Variants in GPR146 observed in about 807,000 individuals in gnomAD.
GPR146 encodes the protein G-protein coupled receptor 146.
For synonymous variants in GPR146, 203 were observed against 104.3 expected (o/e 1.95, Z -5.77); for missense variants, 381 against 213.9 (o/e 1.78, Z -4.87).
rs536481449 is a variant in GPR146, at chr7:1,050,016, C to G, written c.-25+5358C>G. On this transcript the variant is annotated intron_variant, in intron 1 of 1. Transcript: ENST00000444847. ...CCCCCAAAGCTCAGGACACACGGGC[C>G]CTCCCAGGTCTCTCTGGCGGGCTAG... Among the ~76,000 whole-genome samples, 8 of 152,356 alleles carry G rather than the reference C, an allele frequency of 5.3e-5. No individual in the cohort carries two copies. The South Asian group carries it at 1.7e-3, about 32-fold the overall frequency.
chr7:1,056,858 G>C (rs1290147669), intron 1 of GPR146: 1 of 151,620 alleles, frequency 6.6e-6, no homozygotes, highest in African/African-American at 2.4e-5. Flanking sequence ...CCTGTGCTTT[G>C]GCGGGGTGGG....
At chr7:1,050,736 G>C (rs1051159463) in intron 1 of GPR146, among the ~76,000 whole-genome samples, 2 of 152,216 alleles carry the variant, frequency 1.3e-5, no homozygotes, top group Non-Finnish European at 2.9e-5. Context: ...CTATCCTCAC[G>C]AGTACGCATT....
At chr7:1,046,149 G>GTCT (rs1782557942) in intron 1 of GPR146, among the ~76,000 whole-genome samples, 1 of 152,216 alleles carries the variant, frequency 6.6e-6, no homozygotes, top group Admixed American at 6.5e-5. Context: ...GTAATTTACA[G>GTCT]TCGGAAGAGG....
chr7:1,044,908 A>C (rs951701367), intron 1 of GPR146, among the ~76,000 whole-genome samples: 9 of 152,246 alleles, frequency 5.9e-5, no homozygotes, highest in Non-Finnish European at 1.3e-4. Flanking sequence ...TGGCAGCTGA[A>C]TCTGCTGCTG....
intron 1 of GPR146, chr7:1,055,570 G>T (rs994092160): frequency 2.5e-6 from 1 of 398,510 alleles, no homozygotes; most frequent in Non-Finnish European, 5.1e-6. Context: ...GGGGGACTCT[G>T]TGCAGCACAG....
Position 1,058,729 on chromosome 7 carries a change from C to T in GPR146, c.*212C>T. ...GCATCTGGCTTGAGTCTCCCCGAGGCCTGTGCGTCTCCCAAACACGCAGCT... is the reference window on the plus strand; with the variant it reads ...GCATCTGGCTTGAGTCTCCCCGAGGTCTGTGCGTCTCCCAAACACGCAGCT... On this transcript the variant is annotated 3_prime_UTR_variant, in exon 2 of 2. Coordinates refer to ENST00000444847, the MANE Select transcript of GPR146 (RefSeq NM_001303473.2). 1 of 586,796 alleles carries T rather than the reference C, an allele frequency of 1.7e-6. No homozygotes were observed. The allele number at this position is 586,796 out of a possible 1,614,324, so 36.3% of individuals were successfully genotyped here. A position where few individuals can be genotyped will look rare whatever the true frequency, so the allele number is the denominator to read the frequency against.
rs1784149717 is a variant in GPR146, at chr7:1,058,717, G to A, written c.*200G>A. The A allele has an allele frequency of 1.7e-6, 1 of 598,200 alleles. No individual in the cohort carries two copies. Among genetic ancestry groups the A allele is most frequent in the Non-Finnish European group, 3.0e-6 (1 of 328,302 alleles). 37.1% of individuals were successfully genotyped at this position (598,200 alleles called of 1,614,324 possible). A position where few individuals can be genotyped will look rare whatever the true frequency, so the allele number is the denominator to read the frequency against. ...TCCCCGTGGCTGGCATCTGGCTTGAGTCTCCCCGAGGCCTGTGCGTCTCCC... is the reference window on the plus strand; with the variant it reads ...TCCCCGTGGCTGGCATCTGGCTTGAATCTCCCCGAGGCCTGTGCGTCTCCC... On this transcript the variant is annotated 3_prime_UTR_variant, in exon 2 of 2. Transcript: ENST00000444847.
At position 1,052,209 on chromosome 7, in the gene GPR146, G is replaced by C. The variant is rs933920392; in HGVS notation, c.-24-5283G>C. Among the ~76,000 whole-genome samples, 13 of 152,234 alleles carry C rather than the reference G, an allele frequency of 8.5e-5. No homozygotes were observed. Among genetic ancestry groups the C allele is most frequent in the Admixed American group, 8.5e-4 (13 of 15,288 alleles). On this transcript the variant is annotated intron_variant, in intron 1 of 1. Coordinates refer to ENST00000444847, the MANE Select transcript of GPR146 (RefSeq NM_001303473.2). This position sits in a 1 kb window ranked among gnomAD's most constrained non-coding sequence, Gnocchi z 4.2. ...GAGACCCTGAGGCCTGCTCCAGGCT[G>C]AGTGGGTGAGGAGCCTCTGAGCAGG... is the stretch of plus-strand genomic sequence containing the variant.
At chr7:1,047,534 G>A (rs1233195111) in intron 1 of GPR146, among the ~76,000 whole-genome samples, 2 of 152,262 alleles carry the variant, frequency 1.3e-5, no homozygotes, top group African/African-American at 4.8e-5. Context: ...GCTCCTAGGA[G>A]CTGGATGTTA....
At chr7:1,053,152 T>A (rs1012796681) in intron 1 of GPR146, among the ~76,000 whole-genome samples, 2 of 149,480 alleles carry the variant, frequency 1.3e-5, no homozygotes, top group Non-Finnish European at 3.0e-5. Context: ...GAAAAGGAAG[T>A]CTCTGGGCAC....
chr7:1,047,464 G>A (rs1782684957), intron 1 of GPR146, among the ~76,000 whole-genome samples: 1 of 152,266 alleles, frequency 6.6e-6, no homozygotes, highest in Non-Finnish European at 1.5e-5. Context: ...ATAGGAATCA[G>A]TGTGCGTAAG....
chr7:1,049,731 G>A (rs1263279982), intron 1 of GPR146, among the ~76,000 whole-genome samples: 2 of 152,226 alleles, frequency 1.3e-5, no homozygotes, highest in Admixed American at 6.5e-5. Flanking sequence ...TAGACCAGAG[G>A]TCAAGGCAGC....
At chr7:1,047,532 G>A (rs1231156891) in intron 1 of GPR146, among the ~76,000 whole-genome samples, 1 of 152,248 alleles carries the variant, frequency 6.6e-6, no homozygotes, top group Non-Finnish European at 1.5e-5. Context: ...TGGCTCCTAG[G>A]AGCTGGATGT....
chr7:1,051,405 C>T (rs771787544), intron 1 of GPR146, among the ~76,000 whole-genome samples: 5 of 152,242 alleles, frequency 3.3e-5, no homozygotes, highest in Non-Finnish European at 7.3e-5. Context: ...GTTTCCCGCA[C>T]AGCGTGGGGA....
At chr7:1,053,074 G>A (rs1382513449) in intron 1 of GPR146, among the ~76,000 whole-genome samples, 1 of 152,230 alleles carries the variant, frequency 6.6e-6, no homozygotes, top group Non-Finnish European at 1.5e-5. Context: ...TGCCCAGTGG[G>A]GGGAGAAGCC....
Position 1,053,392 on chromosome 7 carries a change from A to G in GPR146, c.-24-4100A>G, listed in dbSNP as rs192776409. Among the ~76,000 whole-genome samples the G allele has an allele frequency of 1.0e-3, 155 of 152,368 alleles. 5 individuals are homozygous for G. The highest frequency in any genetic ancestry group is 9.9e-3 in the Admixed American group (152 of 15,310). ...AATGTGCCCGGAACAGCTCAGTGAC[A>G]GGGAGCTGGGTTGGCTGTGAGGGTC... is the stretch of plus-strand genomic sequence containing the variant. On this transcript the variant is annotated intron_variant, in intron 1 of 1. Coordinates refer to ENST00000444847, the MANE Select transcript of GPR146 (RefSeq NM_001303473.2).
chr7:1,050,453 C>G (rs1416752754), intron 1 of GPR146, among the ~76,000 whole-genome samples: 1 of 152,224 alleles, frequency 6.6e-6, no homozygotes, highest in Non-Finnish European at 1.5e-5. Flanking sequence ...TCCCATCGGT[C>G]CCTGTGGCTT....
At chr7:1,053,325 C>T (rs1474950406) in intron 1 of GPR146, among the ~76,000 whole-genome samples, 1 of 152,226 alleles carries the variant, frequency 6.6e-6, no homozygotes, top group Non-Finnish European at 1.5e-5. Context: ...GAGGGGCGTC[C>T]ACAGTAGAGC....
chr7:1,059,212 C>T lies in GPR146; in HGVS notation c.*695C>T, dbSNP rs1784212435. 1 of 167,134 alleles carries T rather than the reference C, an allele frequency of 6.0e-6. No individual in the cohort carries two copies. The highest frequency in any genetic ancestry group is 6.5e-5 in the Admixed American group (1 of 15,296). The allele number at this position is 167,134 out of a possible 1,614,324, so 10.4% of individuals were successfully genotyped here. On this transcript the variant is annotated 3_prime_UTR_variant, in exon 2 of 2. Coordinates refer to ENST00000444847, the MANE Select transcript of GPR146 (RefSeq NM_001303473.2). ...AGTATGAACCTGTCCTAAATCAATT[C>T]CTCAAAGTGTGCACAAAACTAAAGA...
Sources: allele counts gnomAD v4.1 joint callset (sites outside exome capture counted in the v4.1 genomes callset), GRCh38; gene constraint gnomAD v4.1.1; non-coding constraint Gnocchi (gnomAD v3.1); transcripts MANE v1.5; gene names NCBI Gene and HGNC (gene_info 2026-07-23, HGNC 2026-07-21).